Variants in SULF1 observed in about 807,000 individuals in gnomAD.
SULF1 encodes the protein sulfatase 1.
A neutral mutation model predicts 110.5 loss-of-function variants in SULF1; 46 were observed. The observed-to-expected ratio is 0.42, with a 90% CI of 0.33 to 0.53. The LOEUF (loss-of-function observed/expected upper bound fraction) is 0.53, where lower values mean the gene tolerates loss of function less well. Ranked by LOEUF, SULF1 falls within the 20% of genes least tolerant of loss-of-function variation. SULF1 has a pLI of 0.12. For synonymous variants in SULF1, 371 were observed against 387.1 expected, an observed-to-expected ratio of 0.96 and a Z score of 0.49; for missense variants, 941 against 1,094.2, an observed-to-expected ratio of 0.86 and a Z score of 1.98.
intron 22 of SULF1, among the ~76,000 whole-genome samples, chr8:69,649,767 A>G (rs1485914140): frequency 6.6e-6 from 1 of 152,094 alleles, no homozygotes; most frequent in Non-Finnish European, 1.5e-5. Flanking sequence ...GGAGCTGCAT[A>G]ACATCTTGGT....
At chr8:69,519,718 G>T (rs968540325) in intron 3 of SULF1, among the ~76,000 whole-genome samples, 17 of 152,146 alleles carry the variant, frequency 1.1e-4, no homozygotes, top group Non-Finnish European at 2.2e-4. Context: ...AAGCAAAAGG[G>T]TTAAAAACTT....
At chr8:69,519,783 T>G (rs1326998960) in intron 3 of SULF1, among the ~76,000 whole-genome samples, 3 of 152,186 alleles carry the variant, frequency 2.0e-5, no homozygotes, top group Non-Finnish European at 4.4e-5. Context: ...TGGCTTTTAA[T>G]TTAAATAGCA....
At chr8:69,598,517 G>C (rs1370553916) in intron 8 of SULF1, among the ~76,000 whole-genome samples, 2 of 152,102 alleles carry the variant, frequency 1.3e-5, no homozygotes, top group Admixed American at 6.5e-5. Context: ...TCAGCCTCCT[G>C]AGTAGCTGGG....
intron 6 of SULF1, among the ~76,000 whole-genome samples, chr8:69,580,430 C>CA (rs1001813024): frequency 4.0e-5 from 6 of 151,632 alleles, no homozygotes; most frequent in African/African-American, 9.7e-5. Context: ...TTAACAACAA[C>CA]AAAAAAAACT....
chr8:69,583,296 C>T (rs1367826061), intron 6 of SULF1, among the ~76,000 whole-genome samples: 1 of 151,912 alleles, frequency 6.6e-6, no homozygotes, highest in East Asian at 1.9e-4. Flanking sequence ...GGGCGCAGCG[C>T]CTCATGCCTG....
intron 13 of SULF1, among the ~76,000 whole-genome samples, chr8:69,618,838 C>T (rs1809378691): frequency 6.6e-6 from 1 of 152,176 alleles, no homozygotes; most frequent in African/African-American, 2.4e-5. Context: ...ATACAACTCC[C>T]TTAAGAGAAA....
intron 13 of SULF1, among the ~76,000 whole-genome samples, chr8:69,609,035 G>A (rs146943804): frequency 1.7e-3 from 264 of 152,230 alleles, no homozygotes; most frequent in Middle Eastern, 6.8e-3. Context: ...CAATGCTGGC[G>A]GCACATTAAA....
intron 3 of SULF1, among the ~76,000 whole-genome samples, chr8:69,546,570 G>A (rs919011889): frequency 1.3e-5 from 2 of 152,208 alleles, no homozygotes; most frequent in African/African-American, 4.8e-5. Flanking sequence ...TGCATTTTCA[G>A]TAGTATAATC....
intron 8 of SULF1, among the ~76,000 whole-genome samples, chr8:69,592,291 A>C (rs972726256): frequency 1.8e-4 from 27 of 152,110 alleles, no homozygotes; most frequent in African/African-American, 6.5e-4. Context: ...TGCAGAGGGA[A>C]ACTGTTGCAG....
intron 22 of SULF1, among the ~76,000 whole-genome samples, chr8:69,656,576 G>A (rs1358299764): frequency 6.6e-6 from 1 of 152,152 alleles, no homozygotes; most frequent in East Asian, 1.9e-4. Context: ...TGCAGTGTTT[G>A]GTTTTCTGTT....
intron 5 of SULF1, among the ~76,000 whole-genome samples, chr8:69,571,500 C>G (rs1805229483): frequency 6.6e-6 from 1 of 152,216 alleles, no homozygotes; most frequent in Non-Finnish European, 1.5e-5. Context: ...ATCATCCTCA[C>G]CCCTGCCTTG....
At chr8:69,565,525 T>TCACC (rs1457019646) in intron 5 of SULF1, among the ~76,000 whole-genome samples, 4 of 152,206 alleles carry the variant, frequency 2.6e-5, no homozygotes, top group African/African-American at 9.6e-5. Flanking sequence ...CCTTAATATC[T>TCACC]CACCCATCCA....
intron 3 of SULF1, among the ~76,000 whole-genome samples, chr8:69,541,825 C>T (rs953479415): frequency 1.3e-5 from 2 of 152,102 alleles, no homozygotes; most frequent in African/African-American, 4.8e-5. Flanking sequence ...TACTACAAAA[C>T]TTAACTTCTT....
chr8:69,609,357 A>T (rs572903003), intron 13 of SULF1, among the ~76,000 whole-genome samples: 97 of 152,264 alleles, frequency 6.4e-4, no homozygotes, highest in African/African-American at 2.3e-3. Flanking sequence ...GAAAAACAAA[A>T]CTAAAATAAC....
chr8:69,632,566 AAAG>A (rs1245212907), intron 19 of SULF1, among the ~76,000 whole-genome samples: 4 of 152,170 alleles, frequency 2.6e-5, no homozygotes, highest in Admixed American at 1.3e-4. Context: ...AACATGAAAA[AAAG>A]AAGAAGAAAA....
intron 8 of SULF1, among the ~76,000 whole-genome samples, chr8:69,591,144 G>A (rs1392371490): frequency 2.0e-5 from 3 of 152,108 alleles, no homozygotes; most frequent in African/African-American, 7.2e-5. Context: ...TCCTAAGCCT[G>A]CAGGAAAATC....
At chr8:69,505,331 AT>A (rs1448670271) in intron 3 of SULF1, among the ~76,000 whole-genome samples, 1 of 152,170 alleles carries the variant, frequency 6.6e-6, no homozygotes, top group East Asian at 1.9e-4. Flanking sequence ...CTGCCAAAAT[AT>A]GAATGGCCTT....
At chr8:69,628,012 T>C in intron 17 of SULF1, 146 bp downstream of exon 17, 3 of 880,696 alleles carry the variant, frequency 3.4e-6, no homozygotes, top group South Asian at 1.6e-5. Context: ...TAAAACTAAA[T>C]ATGCTTAAAC....
intron 22 of SULF1, among the ~76,000 whole-genome samples, chr8:69,646,284 C>T (rs913107797): frequency 2.0e-5 from 3 of 152,128 alleles, no homozygotes; most frequent in African/African-American, 7.2e-5. Context: ...TCAGTTCTGG[C>T]TCCATCACTT....
Sources: allele counts gnomAD v4.1 joint callset (sites outside exome capture counted in the v4.1 genomes callset), GRCh38; gene constraint gnomAD v4.1.1; transcripts MANE v1.5; gene names NCBI Gene and HGNC (gene_info 2026-07-23, HGNC 2026-07-21).